The following CHST9 variants were observed in gnomAD, a reference collection of about 807,000 sequenced individuals.
The protein encoded by CHST9 is GalNAc-4-sulfotransferase 2.
A neutral mutation model predicts 44.4 loss-of-function variants in CHST9; 41 were observed. The observed-to-expected ratio is 0.92, with a 90% CI of 0.72 to 1.20. CHST9 has a LOEUF of 1.20. Among genes scored for constraint, CHST9 ranks in the 50% most tolerant of loss-of-function variants. The pLI is 0.00. For synonymous variants in CHST9, 171 were observed against 178.4 expected (o/e 0.96, Z 0.33); for missense variants, 504 against 516.5 (o/e 0.98, Z 0.23).
intron 1 of CHST9, among the ~76,000 whole-genome samples, chr18:27,159,512 C>A (rs370044606): frequency 6.6e-6 from 1 of 152,096 alleles, no homozygotes; most frequent in African/African-American, 2.4e-5. Context: ...GTTACTGTAG[C>A]CTTGTAGTAT....
intron 1 of CHST9, among the ~76,000 whole-genome samples, chr18:27,147,319 G>A (rs8089028): frequency 0.41 from 62,557 of 151,782 alleles, 13,301 homozygotes; most frequent in East Asian, 0.62. Context: ...CGCCTGCCTC[G>A]GCCTCCCAAA....
At chr18:27,165,718 C>A (rs932900783) in intron 1 of CHST9, among the ~76,000 whole-genome samples, 5 of 152,096 alleles carry the variant, frequency 3.3e-5, no homozygotes, top group African/African-American at 9.7e-5. Flanking sequence ...TCAAAAATTT[C>A]TTTTAAAGGA....
chr18:27,096,029 G>C (rs2058113651), intron 2 of CHST9, among the ~76,000 whole-genome samples: 1 of 151,958 alleles, frequency 6.6e-6, no homozygotes, highest in African/African-American at 2.4e-5. Flanking sequence ...TTGACCACAT[G>C]CTCAGCTGTA....
chr18:26,934,042 G>T (rs1214938043), intron 5 of CHST9, among the ~76,000 whole-genome samples: 3 of 152,154 alleles, frequency 2.0e-5, no homozygotes, highest in Admixed American at 1.3e-4. Flanking sequence ...GCCTGGCCAG[G>T]TGGAAGGACA....
chr18:26,916,861 T>A lies in CHST9; in HGVS notation c.730A>T (p.Ile244Phe). 1 of 1,613,910 alleles carries A rather than the reference T, an allele frequency of 6.2e-7. No individual in the cohort carries two copies. The highest frequency in any genetic ancestry group is 8.5e-7 in the Non-Finnish European group (1 of 1,179,852). ...LNGLASSAYN[I>F]SHNAVHYGKH... Reference sequence around the variant, plus strand: ...CCGTAGTGGACAGCATTGTGGGAGATGTTGTATGCAGAGGAAGCCAATCCA... The same window carrying A: ...CCGTAGTGGACAGCATTGTGGGAGAAGTTGTATGCAGAGGAAGCCAATCCA... The change falls in exon 6 of 6, where the codon ATC becomes TTC. Residue 244 changes from isoleucine to phenylalanine, a missense_variant. Ile to Phe is a conservative substitution (Grantham distance 21). Coordinates refer to ENST00000618847, the MANE Select transcript of CHST9 (RefSeq NM_031422.6).
At chr18:27,165,662 C>T (rs558863393) in intron 1 of CHST9, among the ~76,000 whole-genome samples, 3 of 152,136 alleles carry the variant, frequency 2.0e-5, no homozygotes, top group South Asian at 2.1e-4. Flanking sequence ...CTTCTGTGTC[C>T]CCTGCTAATA....
intron 2 of CHST9, among the ~76,000 whole-genome samples, chr18:27,121,153 A>G (rs1402751565): frequency 6.6e-6 from 1 of 151,980 alleles, no homozygotes; most frequent in Non-Finnish European, 1.5e-5. Flanking sequence ...CAGGCACCAC[A>G]CTTGGCTAAT....
At chr18:26,961,382 G>C (rs997122863) in intron 4 of CHST9, among the ~76,000 whole-genome samples, 7 of 152,134 alleles carry the variant, frequency 4.6e-5, no homozygotes, top group Non-Finnish European at 8.8e-5. Context: ...GTTAAGGCCG[G>C]GTGGGAAAGG....
chr18:27,021,243 C>T (rs1287529142), intron 4 of CHST9, among the ~76,000 whole-genome samples: 2 of 152,088 alleles, frequency 1.3e-5, no homozygotes. Context: ...GCAGTAGCGT[C>T]AGGGCTGGAG....
chr18:27,065,190 C>T (rs76606735), intron 2 of CHST9, among the ~76,000 whole-genome samples: 1,552 of 152,284 alleles, frequency 0.01, 20 homozygotes, highest in African/African-American at 0.035. Flanking sequence ...TACATTTAGT[C>T]GGACTTTGGT....
At chr18:27,091,094 C>G (rs146711713) in intron 2 of CHST9, among the ~76,000 whole-genome samples, 4,118 of 152,212 alleles carry the variant, frequency 0.027, 177 homozygotes, top group African/African-American at 0.093. Context: ...AATGTTCTTC[C>G]ATTTGTTTGT....
intron 2 of CHST9, among the ~76,000 whole-genome samples, chr18:27,059,174 C>G (rs1452393006): frequency 6.6e-6 from 1 of 152,108 alleles, no homozygotes; most frequent in Non-Finnish European, 1.5e-5. Context: ...TACAATTTTA[C>G]CCTGTAAAGT....
At chr18:27,078,321 A>C (rs895159687) in intron 2 of CHST9, among the ~76,000 whole-genome samples, 3 of 152,184 alleles carry the variant, frequency 2.0e-5, no homozygotes, top group South Asian at 2.1e-4. Flanking sequence ...CACCATGACC[A>C]GCTCTAGTCC....
intron 2 of CHST9, among the ~76,000 whole-genome samples, chr18:27,101,624 T>A (rs1324510090): frequency 1.4e-5 from 2 of 142,930 alleles, no homozygotes; most frequent in Admixed American, 1.4e-4. Flanking sequence ...AAAATAAAAA[T>A]AAAAATAAAA....
chr18:27,095,436 G>A (rs2058107502), intron 2 of CHST9, among the ~76,000 whole-genome samples: 1 of 152,048 alleles, frequency 6.6e-6, no homozygotes, highest in African/African-American at 2.4e-5. Flanking sequence ...AACCTCATAT[G>A]TCAATATTAA....
At chr18:27,045,113 C>G (rs1049993113) in intron 3 of CHST9, among the ~76,000 whole-genome samples, 2 of 150,762 alleles carry the variant, frequency 1.3e-5, no homozygotes, top group East Asian at 3.9e-4. Flanking sequence ...AATGAACAAA[C>G]CATTTCTAAC....
chr18:27,157,092 T>C (rs2143914120), intron 1 of CHST9, among the ~76,000 whole-genome samples: 1 of 152,226 alleles, frequency 6.6e-6, no homozygotes, highest in Middle Eastern at 3.4e-3. Context: ...AATAAAATCC[T>C]TGTAGAAGTA....
In CHST9 at chr18:27,017,849, C is replaced by G. The variant is rs1206242556; in HGVS notation, c.202+6267G>C. On this transcript the variant is annotated intron_variant, in intron 4 of 5. Coordinates refer to ENST00000618847, the MANE Select transcript of CHST9 (RefSeq NM_031422.6). ...TTGTTTAAAATTGTATTACTGAACA[C>G]TGTTTGGAATATTTCCCTACTTTCT... is the stretch of plus-strand genomic sequence containing the variant. Among the ~76,000 whole-genome samples, 4 of 152,066 alleles carry G rather than the reference C, an allele frequency of 2.6e-5. 1 individual carries two copies. Among genetic ancestry groups the G allele is most frequent in the African/African-American group, 9.7e-5 (4 of 41,388 alleles).
rs543016472 is a variant in CHST9, at chr18:27,024,916, C to T, written c.161-759G>A. Reference sequence around the variant, plus strand: ...TGTAACATAGTATATTTCTTCTGGCCTAGTCACCTATGGGGAGAGAAGAGC... The same window carrying T: ...TGTAACATAGTATATTTCTTCTGGCTTAGTCACCTATGGGGAGAGAAGAGC... On this transcript the variant is annotated intron_variant, in intron 3 of 5. Transcript: ENST00000618847. Among the ~76,000 whole-genome samples, 19 of 151,946 alleles carry T rather than the reference C, an allele frequency of 1.3e-4. No homozygotes were observed. The East Asian group carries it at 3.5e-3, about 28-fold the overall frequency.
Sources: allele counts gnomAD v4.1 joint callset (sites outside exome capture counted in the v4.1 genomes callset), GRCh38; gene constraint gnomAD v4.1.1; transcripts MANE v1.5; gene names NCBI Gene and HGNC (gene_info 2026-07-23, HGNC 2026-07-21).